Variants in FHOD3 observed in about 807,000 individuals in gnomAD.
FHOD3 encodes the protein formin homology 2 domain containing 3, also known as FH1/FH2 domain-containing protein 3.
FHOD3 carries 90 observed loss-of-function variants against 173.0 expected under a neutral mutation model. The ratio of observed to expected loss-of-function variants is 0.52; its 90% CI spans 0.44 to 0.62. The LOEUF (loss-of-function observed/expected upper bound fraction) is 0.62. Ranked by LOEUF, FHOD3 falls within the 20% of genes least tolerant of loss-of-function variation. The pLI is 0.00. For synonymous variants in FHOD3, 828 were observed against 823.0 expected, an observed-to-expected ratio of 1.01 and a Z score of -0.10; for missense variants, 1,945 against 2,034.7, an observed-to-expected ratio of 0.96 and a Z score of 0.85.
intron 14 of FHOD3, among the ~76,000 whole-genome samples, chr18:36,668,333 A>AT (rs1043978621): frequency 9.9e-5 from 15 of 151,732 alleles, no homozygotes; most frequent in Non-Finnish European, 2.1e-4. Flanking sequence ...GTCCCTTATT[A>AT]TTTTTTTTAG....
intron 5 of FHOD3, among the ~76,000 whole-genome samples, chr18:36,549,038 C>A (rs555484984): frequency 1.3e-5 from 2 of 152,352 alleles, no homozygotes; most frequent in Admixed American, 6.5e-5. Context: ...CATATCCACA[C>A]TAGTGTTGTA....
At chr18:36,340,316 T>A (rs2045545580) in intron 1 of FHOD3, among the ~76,000 whole-genome samples, 1 of 152,208 alleles carries the variant, frequency 6.6e-6, no homozygotes, top group Non-Finnish European at 1.5e-5. Flanking sequence ...CTCACTTTGT[T>A]AGGCAGGATA....
At chr18:36,341,565 A>T (rs1291180783) in intron 1 of FHOD3, among the ~76,000 whole-genome samples, 2 of 152,330 alleles carry the variant, frequency 1.3e-5, no homozygotes, top group East Asian at 3.9e-4. Flanking sequence ...CAGAGCTAAT[A>T]GTAGTTTCAT....
intron 14 of FHOD3, among the ~76,000 whole-genome samples, chr18:36,673,808 A>G (rs2037683119): frequency 6.6e-6 from 1 of 152,220 alleles, no homozygotes; most frequent in South Asian, 2.1e-4. Flanking sequence ...CTTCACGGAC[A>G]GAAATCCCTC....
intron 3 of FHOD3, among the ~76,000 whole-genome samples, chr18:36,388,488 TTGTGTAGCAGGAC>T (rs1374971777): frequency 6.6e-6 from 1 of 152,202 alleles, no homozygotes; most frequent in Non-Finnish European, 1.5e-5. Flanking sequence ...CCAAGCAGTT[TTGTGTAGCAGGAC>T]TTACCTGCAT....
chr18:36,717,948 G>A lies in FHOD3; in HGVS notation c.2650G>A (p.Asp884Asn), dbSNP rs2040550526. Reference protein sequence around the residue: ...LYAHNRKSPDDEEKGDGEAGR... With the variant: ...LYAHNRKSPDNEEKGDGEAGR... ...TGCCCATAACAGGAAGTCTCCGGAT[G>A]ATGAGGAGAAGGGGGATGGGGAGGC... Residue 884 changes from aspartate to asparagine, a missense_variant, in exon 19 of 29, where the codon GAT (aspartate) becomes AAT (asparagine). Asp to Asn is a conservative substitution (Grantham distance 23). This residue lies in a region of FHOD3 where 1,099 missense variants were observed against 1,051.2 expected (regional missense o/e 1.05). Transcript: ENST00000590592. 6.2e-7 allele frequency: 1 copy of A among 1,614,086 alleles called. No homozygotes were observed. Among genetic ancestry groups the A allele is most frequent in the Non-Finnish European group, 8.5e-7 (1 of 1,179,990 alleles).
intron 1 of FHOD3, among the ~76,000 whole-genome samples, chr18:36,303,143 T>C (rs1221533038): frequency 6.6e-6 from 1 of 152,208 alleles, no homozygotes; most frequent in Non-Finnish European, 1.5e-5. Flanking sequence ...TTATTTATCC[T>C]CACAACAACT....
intron 1 of FHOD3, among the ~76,000 whole-genome samples, chr18:36,330,125 G>A (rs1386364363): frequency 6.6e-6 from 1 of 152,174 alleles, no homozygotes; most frequent in South Asian, 2.1e-4. Flanking sequence ...TACACACCTA[G>A]CTTGAAATTA....
In FHOD3 at chr18:36,769,413, C is replaced by T. The variant is rs1248263718; in HGVS notation, c.4773C>T (p.Ala1591=). 1.2e-6 allele frequency: 2 copies of T among 1,614,122 alleles called. No individual in the cohort carries two copies. The highest frequency in any genetic ancestry group is 1.7e-6 in the Non-Finnish European group (2 of 1,180,012). The part of the protein sequence containing the change: ...VVPRERKRSR[A]NRKSLRRTLK... ...CGAGGGAGAGGAAACGATCCCGGGC[C>T]AACCGGAAATCTTGTGAGTGCATTA... is the stretch of plus-strand genomic sequence containing the variant. The change falls in exon 28 of 29, where the codon GCC becomes GCT. Residue 1591 remains alanine, a synonymous_variant. Coordinates refer to ENST00000590592, the MANE Select transcript of FHOD3 (RefSeq NM_001281740.3).
chr18:36,671,402 C>T (rs2037525650), intron 14 of FHOD3, among the ~76,000 whole-genome samples: 1 of 152,248 alleles, frequency 6.6e-6, no homozygotes, highest in Non-Finnish European at 1.5e-5. Context: ...CCAGTTTCTT[C>T]AGTGCTGCTG....
At chr18:36,658,763 T>G (rs1480012693) in intron 14 of FHOD3, among the ~76,000 whole-genome samples, 1 of 152,220 alleles carries the variant, frequency 6.6e-6, no homozygotes, top group East Asian at 1.9e-4. Context: ...CCTGTAATTT[T>G]AGAACAGTTA....
At chr18:36,376,802 C>T (rs748513255) in intron 3 of FHOD3, among the ~76,000 whole-genome samples, 15 of 152,228 alleles carry the variant, frequency 9.9e-5, no homozygotes, top group Non-Finnish European at 2.1e-4. Flanking sequence ...GTGTGCTTTG[C>T]ACTACATTGT....
At chr18:36,769,458 C>G in intron 28 of FHOD3, 32 bp downstream of exon 28, 1 of 1,605,934 alleles carries the variant, frequency 6.2e-7, no homozygotes, top group Non-Finnish European at 8.5e-7. Context: ...CGAGCCTTCA[C>G]CCCTACAGGG....
intron 3 of FHOD3, among the ~76,000 whole-genome samples, chr18:36,403,737 G>A (rs1045979056): frequency 1.3e-5 from 2 of 152,206 alleles, no homozygotes; most frequent in Admixed American, 6.5e-5. Flanking sequence ...TCAATTTAAG[G>A]TGGGAATATT....
chr18:36,638,634 A>AAAT (rs2035061647), intron 10 of FHOD3, among the ~76,000 whole-genome samples: 1 of 152,162 alleles, frequency 6.6e-6, no homozygotes, highest in African/African-American at 2.4e-5. Flanking sequence ...CAAGCATCTA[A>AAAT]AATAACCCAT....
chr18:36,527,584 T>C (rs62082326), intron 5 of FHOD3, among the ~76,000 whole-genome samples: 1 of 152,138 alleles, frequency 6.6e-6, no homozygotes, highest in Non-Finnish European at 1.5e-5. Flanking sequence ...ATAGGGCCAC[T>C]GTTATCTGAC....
intron 5 of FHOD3, among the ~76,000 whole-genome samples, chr18:36,547,427 G>GT (rs2057455956): frequency 6.6e-6 from 1 of 152,036 alleles, no homozygotes; most frequent in Non-Finnish European, 1.5e-5. Flanking sequence ...TTTGTCACAG[G>GT]TTAAACCATC....
chr18:36,357,514 G>A (rs1408008581), intron 2 of FHOD3, among the ~76,000 whole-genome samples: 1 of 152,156 alleles, frequency 6.6e-6, no homozygotes, highest in Admixed American at 6.5e-5. Flanking sequence ...CTCCAGAGTG[G>A]TAGTAAGGGC....
intron 3 of FHOD3, among the ~76,000 whole-genome samples, chr18:36,414,129 T>C (rs757347058): frequency 6.6e-6 from 1 of 152,200 alleles, no homozygotes; most frequent in Non-Finnish European, 1.5e-5. Context: ...TTTGGCACAC[T>C]AGGCAGTTGC....
Sources: gnomAD v4.1 joint callset for allele counts (sites outside exome capture counted in the v4.1 genomes callset) on GRCh38, gnomAD v4.1.1 for gene constraint, gnomAD v4.1.1 regional missense constraint, MANE v1.5 for transcripts, NCBI Gene and HGNC (gene_info 2026-07-23, HGNC 2026-07-21) for gene names.